Variants in SUPT3H observed in about 807,000 individuals in gnomAD.
SUPT3H encodes transcription initiation protein SPT3 homolog.
A neutral mutation model predicts 44.3 loss-of-function variants in SUPT3H; 44 were observed. The ratio of observed to expected loss-of-function variants is 0.99; its 90% CI spans 0.78 to 1.28. The LOEUF (loss-of-function observed/expected upper bound fraction) is 1.28. Among genes scored for constraint, SUPT3H ranks in the 50% most tolerant of loss-of-function variants. The pLI is 0.00. For synonymous variants in SUPT3H, 124 were observed against 125.6 expected, an observed-to-expected ratio of 0.99 and a Z score of 0.09; for missense variants, 380 against 387.1, an observed-to-expected ratio of 0.98 and a Z score of 0.15.
intron 3 of SUPT3H, among the ~76,000 whole-genome samples, chr6:45,034,968 T>C (rs990889768): frequency 2.0e-5 from 3 of 152,160 alleles, no homozygotes; most frequent in Non-Finnish European, 2.9e-5. Flanking sequence ...AATAGTTTGC[T>C]CATGGAAGCT....
At chr6:44,861,939 G>A (rs111646606) in intron 10 of SUPT3H, among the ~76,000 whole-genome samples, 68 of 152,256 alleles carry the variant, frequency 4.5e-4, no homozygotes, top group African/African-American at 1.6e-3. Context: ...TGTGGCTGAA[G>A]TTTCAAAGCC....
At chr6:45,150,655 T>C (rs1052488963) in intron 2 of SUPT3H, among the ~76,000 whole-genome samples, 1 of 151,952 alleles carries the variant, frequency 6.6e-6, no homozygotes, top group African/African-American at 2.4e-5. Flanking sequence ...CTTGAAACAT[T>C]ACCTTGTGCC....
chr6:45,282,200 C>T (rs905069793), intron 2 of SUPT3H, among the ~76,000 whole-genome samples: 9 of 152,190 alleles, frequency 5.9e-5, no homozygotes, highest in East Asian at 1.9e-4. Context: ...TCTAAAGGAA[C>T]GCAGCTCCTC....
At chr6:44,843,941 A>G (rs494353) in intron 10 of SUPT3H, among the ~76,000 whole-genome samples, 3,085 of 151,550 alleles carry the variant, frequency 0.02, 40 homozygotes, top group Non-Finnish European at 0.033. Context: ...ACACACACAC[A>G]CACACACACA....
At chr6:45,118,818 T>G (rs1325616716) in intron 2 of SUPT3H, among the ~76,000 whole-genome samples, 3 of 152,180 alleles carry the variant, frequency 2.0e-5, no homozygotes, top group Admixed American at 6.5e-5. Context: ...AGCCCTGCAC[T>G]ATAACCCTGA....
intron 2 of SUPT3H, chr6:45,322,954 T>C (rs775883047): frequency 3.2e-5 from 51 of 1,607,926 alleles, no homozygotes; most frequent in Middle Eastern, 1.7e-4. Context: ...ACAGCTGTTA[T>C]TGATAAGCAG....
intron 2 of SUPT3H, among the ~76,000 whole-genome samples, chr6:45,237,739 T>C (rs1237551043): frequency 6.6e-6 from 1 of 152,154 alleles, no homozygotes; most frequent in Middle Eastern, 3.2e-3. Flanking sequence ...GAGGACTTAG[T>C]TCCTGAACAA....
intron 3 of SUPT3H, among the ~76,000 whole-genome samples, chr6:45,074,814 T>A (rs1392590739): frequency 6.6e-6 from 1 of 152,102 alleles, no homozygotes; most frequent in South Asian, 2.1e-4. Flanking sequence ...GTTAATCTTA[T>A]GTATACAAAT....
Position 45,075,286 on chromosome 6 carries a change from G to A in SUPT3H, c.186+30636C>T, listed in dbSNP as rs547578758. On this transcript the variant is annotated intron_variant, in intron 3 of 10. Transcript: ENST00000371459. ...AACAGTTAACCAAGGCCTGAGAAAA[G>A]CACCTTTACAACAGTGGCCCTAATA... Among the ~76,000 whole-genome samples, 80 of 152,128 alleles carry A rather than the reference G, an allele frequency of 5.3e-4. No homozygotes were observed. In the South Asian group the frequency reaches 0.012, roughly 23 times the overall value.
chr6:45,276,777 C>T (rs1777099681), intron 2 of SUPT3H, among the ~76,000 whole-genome samples: 1 of 152,176 alleles, frequency 6.6e-6, no homozygotes, highest in African/African-American at 2.4e-5. Flanking sequence ...CCAAAATCAG[C>T]AGAGCTGCCT....
Position 45,355,717 on chromosome 6 carries a change from T to C in SUPT3H, c.101+9484A>G, listed in dbSNP as rs558784385. On this transcript the variant is annotated intron_variant, in intron 2 of 10. Coordinates refer to ENST00000371459, the MANE Select transcript of SUPT3H (RefSeq NM_003599.4). ...ACATACTTCTAAAGGATTAGAGATATATAAAAGACATTAATATGCACAAAT... is the reference window on the plus strand; with the variant it reads ...ACATACTTCTAAAGGATTAGAGATACATAAAAGACATTAATATGCACAAAT... Among the ~76,000 whole-genome samples, 31 of 152,272 alleles carry C rather than the reference T, an allele frequency of 2.0e-4. 1 individual carries two copies. In the South Asian group the frequency reaches 5.2e-3, roughly 25 times the overall value.
At chr6:45,220,838 G>T (rs949993345) in intron 2 of SUPT3H, among the ~76,000 whole-genome samples, 1 of 152,064 alleles carries the variant, frequency 6.6e-6, no homozygotes, top group African/African-American at 2.4e-5. Context: ...ATCTAGAACT[G>T]GAAATACCAT....
chr6:45,138,432 C>T (rs1467108533), intron 2 of SUPT3H, among the ~76,000 whole-genome samples: 1 of 151,958 alleles, frequency 6.6e-6, no homozygotes, highest in Non-Finnish European at 1.5e-5. Context: ...ACTCATAAGG[C>T]AGAAAAGCAA....
At chr6:45,018,489 T>C (rs1299143814) in intron 4 of SUPT3H, among the ~76,000 whole-genome samples, 1 of 152,084 alleles carries the variant, frequency 6.6e-6, no homozygotes, top group African/African-American at 2.4e-5. Flanking sequence ...GGGTTTGTCA[T>C]AGATAGCTCT....
intron 10 of SUPT3H, among the ~76,000 whole-genome samples, chr6:44,916,198 C>G (rs1767780531): frequency 6.6e-6 from 1 of 152,172 alleles, no homozygotes; most frequent in Non-Finnish European, 1.5e-5. Context: ...GGGTAAGGAT[C>G]CTTTCCTGAT....
At chr6:44,955,189 C>G (rs963750033) in intron 7 of SUPT3H, 9 of 153,850 alleles carry the variant, frequency 5.8e-5, no homozygotes, top group African/African-American at 2.2e-4. Flanking sequence ...CAAGAACTAC[C>G]GTAGGAATAT....
intron 2 of SUPT3H, among the ~76,000 whole-genome samples, chr6:45,348,414 C>T (rs1456292609): frequency 6.6e-6 from 1 of 150,644 alleles, no homozygotes; most frequent in South Asian, 2.1e-4. Flanking sequence ...CGCCTGTAAT[C>T]CCAGCACTTT....
At chr6:44,956,441 G>T (rs1437177043) in intron 7 of SUPT3H, among the ~76,000 whole-genome samples, 1 of 135,932 alleles carries the variant, frequency 7.4e-6, no homozygotes, top group Non-Finnish European at 1.5e-5. Flanking sequence ...CCGAGATGGC[G>T]CCACTGCACA....
intron 5 of SUPT3H, among the ~76,000 whole-genome samples, chr6:45,012,389 T>C (rs907504205): frequency 6.6e-6 from 1 of 152,040 alleles, no homozygotes; most frequent in Non-Finnish European, 1.5e-5. Context: ...AACTCTTTAA[T>C]GATGTCTTCA....
Sources: gnomAD v4.1 joint callset for allele counts (sites outside exome capture counted in the v4.1 genomes callset) on GRCh38, gnomAD v4.1.1 for gene constraint, MANE v1.5 for transcripts, NCBI Gene and HGNC (gene_info 2026-07-23, HGNC 2026-07-21) for gene names.